Variants in MYNN observed in about 807,000 individuals in gnomAD.
MYNN encodes myoneurin.
Under a neutral mutation model 57.2 loss-of-function variants are expected in MYNN, and 22 were observed. That is an observed-to-expected ratio of 0.38 (90% CI 0.27 to 0.55). The LOEUF is 0.55. MYNN is among the 20% of genes least tolerant of loss of function. The pLI, the probability that MYNN is intolerant of heterozygous loss-of-function variation, is 0.71. For synonymous variants in MYNN, 241 were observed against 257.1 expected (o/e 0.94, Z 0.60); for missense variants, 566 against 723.1 (o/e 0.78, Z 2.49).
intron 3 of MYNN, chr3:169,779,817 A>C: frequency 4.3e-6 from 2 of 459,916 alleles, no homozygotes. Context: ...TAGCTTACCA[A>C]GTATTTAACA....
intron 1 of MYNN, chr3:169,773,953 A>AT: frequency 8.2e-6 from 2 of 243,040 alleles, no homozygotes; most frequent in South Asian, 1.5e-4. Flanking sequence ...TTTTTGTAAC[A>AT]TAAGTATGTC....
Position 169,784,642 on chromosome 3 carries a change from G to A in MYNN, c.1504G>A (p.Glu502Lys), listed in dbSNP as rs374143807. Reference sequence around the variant, plus strand: ...TTCAGGAGAAAGACCATTTATCTGCGAATTATGTGGAAATTCTTACACAGA... The same window carrying A: ...TTCAGGAGAAAGACCATTTATCTGCAAATTATGTGGAAATTCTTACACAGA... ...SHTGERPFIC[E>K]LCGNSYTDIK... Residue 502 changes from glutamate (E) to lysine (K), a missense_variant, in exon 7 of 8, where the codon GAA becomes AAA. Glu to Lys is a moderately conservative substitution (Grantham distance 56). This residue lies in a region of MYNN where 156 missense variants were observed against 163.9 expected (regional missense o/e 0.95). Coordinates refer to ENST00000349841, the MANE Select transcript of MYNN (RefSeq NM_018657.5). The A allele has an allele frequency of 7.6e-6, 12 of 1,570,700 alleles. No homozygotes were observed. Among genetic ancestry groups the A allele is most frequent in the Middle Eastern group, 1.7e-4 (1 of 5,972 alleles).
At chr3:169,777,633 G>A (rs1262105215) in intron 2 of MYNN, 2 of 152,226 alleles carry the variant, frequency 1.3e-5, no homozygotes, top group African/African-American at 4.8e-5. Context: ...AGTAATGCCA[G>A]AGCCAGTGCT....
chr3:169,779,704 G>C, intron 3 of MYNN, 143 bp downstream of exon 3: 1 of 853,156 alleles, frequency 1.2e-6, no homozygotes, highest in African/African-American at 1.7e-5. Flanking sequence ...GTGTTAAACT[G>C]TTGAAAATTT....
intron 4 of MYNN, 65 bp downstream of exon 4, chr3:169,780,814 T>G: frequency 7.8e-7 from 1 of 1,284,870 alleles, no homozygotes; most frequent in Non-Finnish European, 1.1e-6. Context: ...ATGAATAGAC[T>G]ATTATATTAG....
At chr3:169,785,636 A>G (rs1316807915) in intron 7 of MYNN, among the ~76,000 whole-genome samples, 1 of 152,078 alleles carries the variant, frequency 6.6e-6, no homozygotes, top group Non-Finnish European at 1.5e-5. Flanking sequence ...CATTCCGGGC[A>G]GAGAACACTG....
intron 2 of MYNN, chr3:169,778,483 G>A (rs1346562002): frequency 7.8e-6 from 2 of 256,678 alleles, no homozygotes; most frequent in Non-Finnish European, 1.5e-5. Flanking sequence ...GTGTTCTAGG[G>A]TTTTAAAAAA....
At chr3:169,784,575 A>G (rs1778617558) in intron 6 of MYNN, 47 bp from the exon 7 acceptor site, 1 of 1,247,076 alleles carries the variant, frequency 8.0e-7, no homozygotes, top group Non-Finnish European at 1.1e-6. Context: ...TGTCTTAGCT[A>G]GCAGCTTTTA....
rs1319441396 is a variant in MYNN, at chr3:169,782,395, A to G, written c.1221-70A>G. On this transcript the variant is annotated intron_variant, in intron 4 of 7. Transcript: ENST00000349841. The surrounding 1 kb of genome is among the most constrained non-coding windows in gnomAD (Gnocchi z 4.8). ...TGACATGAAATAAAATCTATAAAAA[A>G]CTTTATGAATTCTTGCTATATAGAC... is the stretch of plus-strand genomic sequence containing the variant. 3.1e-6 allele frequency: 4 copies of G among 1,275,844 alleles called. No individual in the cohort carries two copies. In the South Asian group the frequency reaches 4.8e-5, roughly 15 times the overall value. 79.0% of individuals were successfully genotyped at this position (1,275,844 alleles called of 1,614,324 possible). A position where few individuals can be genotyped will look rare whatever the true frequency, so the allele number is the denominator to read the frequency against.
At chr3:169,783,129 C>T (rs921143675) in intron 5 of MYNN, among the ~76,000 whole-genome samples, 20 of 151,990 alleles carry the variant, frequency 1.3e-4, no homozygotes, top group Non-Finnish European at 2.8e-4. Flanking sequence ...AAAGACTTCC[C>T]TACATACTTT....
At chr3:169,786,165 A>G (rs75734604) in intron 7 of MYNN, among the ~76,000 whole-genome samples, 2,034 of 152,176 alleles carry the variant, frequency 0.013, 51 homozygotes, top group African/African-American at 0.047. Context: ...TTAAGCCGAT[A>G]TAACAGCTCA....
intron 6 of MYNN, 120 bp from the exon 7 acceptor site, chr3:169,784,502 A>G: frequency 1.6e-6 from 1 of 642,826 alleles, no homozygotes; most frequent in Non-Finnish European, 2.7e-6. Flanking sequence ...TAAAGTGACA[A>G]TTTGAAACCA....
intron 3 of MYNN, chr3:169,779,952 A>G: frequency 5.0e-6 from 1 of 198,808 alleles, no homozygotes; most frequent in South Asian, 1.1e-4. Flanking sequence ...TGTTCATTGG[A>G]ATTACACATA....
At position 169,779,563 on chromosome 3, in the gene MYNN, T is replaced by A; in HGVS notation, c.1060+2T>A. The A allele has an allele frequency of 6.2e-7, 1 of 1,611,014 alleles. No homozygotes were observed. Among genetic ancestry groups the A allele is most frequent in the Non-Finnish European group, 8.5e-7 (1 of 1,177,838 alleles). ...AAACGCATGTAAGAACTCATACAGG[T>A]GAGACGGGTGTGTGGGGAGATATTA... On this transcript the variant is annotated splice_donor_variant, in intron 3 of 7. Transcript: ENST00000349841. LOFTEE classifies it high-confidence loss of function.
intron 7 of MYNN, 23 bp downstream of exon 7, chr3:169,784,731 CTT>C: frequency 1.4e-6 from 2 of 1,465,740 alleles, no homozygotes; most frequent in Non-Finnish European, 1.9e-6. Context: ...GTTTTGTTTG[CTT>C]GTTTGTTTGT....
chr3:169,776,485 G>A (rs1778344104), intron 2 of MYNN, among the ~76,000 whole-genome samples: 1 of 152,220 alleles, frequency 6.6e-6, no homozygotes, highest in South Asian at 2.1e-4. Flanking sequence ...TCATAGGCAT[G>A]TCCTGAGGAT....
In MYNN at chr3:169,779,316, A is replaced by G. The variant is rs767730167; in HGVS notation, c.815A>G (p.His272Arg). The change falls in exon 3 of 8, where the codon CAC becomes CGC. Residue 272 changes from histidine (H) to arginine (R), a missense_variant. By Grantham distance (29) the His-to-Arg change is conservative. Coordinates refer to ENST00000349841, the MANE Select transcript of MYNN (RefSeq NM_018657.5). ...KSQPNCALKE[H>R]SMSNIASVKS... Reference sequence around the variant, plus strand: ...CAGCCAAACTGTGCTCTGAAAGAACACTCTATGTCTAATATAGCCAGCGTC... The same window carrying G: ...CAGCCAAACTGTGCTCTGAAAGAACGCTCTATGTCTAATATAGCCAGCGTC... The G allele has an allele frequency of 1.2e-6, 2 of 1,614,122 alleles. No homozygotes were observed. Among genetic ancestry groups the G allele is most frequent in the South Asian group, 1.1e-5 (1 of 91,080 alleles).
intron 2 of MYNN, chr3:169,778,516 A>T: frequency 3.1e-6 from 1 of 324,510 alleles, no homozygotes; most frequent in Non-Finnish European, 5.6e-6. Flanking sequence ...TTTAACATTT[A>T]ATTTTTCTGC....
Position 169,782,367 on chromosome 3 carries a change from A to C in MYNN, c.1221-98A>C. The stretch of plus-strand genomic sequence containing the variant: ...TTAAATACATAGTCTTGGCCTGTTA[A>C]GATGACATGAAATAAAATCTATAAA... On this transcript the variant is annotated intron_variant, in intron 4 of 7. Transcript: ENST00000349841. This position sits in a 1 kb window ranked among gnomAD's most constrained non-coding sequence, Gnocchi z 4.8. 2.0e-6 allele frequency: 2 copies of C among 988,470 alleles called. No individual in the cohort carries two copies. Among genetic ancestry groups the C allele is most frequent in the Non-Finnish European group, 2.9e-6 (2 of 678,380 alleles). 61.2% of individuals were successfully genotyped at this position (988,470 alleles called of 1,614,324 possible).
Sources: gnomAD v4.1 joint callset for allele counts (sites outside exome capture counted in the v4.1 genomes callset) on GRCh38, gnomAD v4.1.1 for gene constraint, gnomAD v4.1.1 regional missense constraint, Gnocchi (gnomAD v3.1) non-coding constraint, MANE v1.5 for transcripts, NCBI Gene and HGNC (gene_info 2026-07-23, HGNC 2026-07-21) for gene names.